Variants in ZNF292 observed in about 807,000 individuals in gnomAD.
The protein encoded by ZNF292 is 16 zinc-finger domain protein.
In ZNF292, 26 loss-of-function variants were observed where a neutral mutation model predicts 217.9. The observed-to-expected ratio is 0.12, with a 90% confidence interval of 0.09 to 0.17. The LOEUF is 0.17. ZNF292 is among the 10% of genes least tolerant of loss of function. The pLI, the probability that ZNF292 is intolerant of heterozygous loss-of-function variation, is 1.00. For synonymous variants in ZNF292, 1,257 were observed against 1,124.1 expected, an observed-to-expected ratio of 1.12 and a Z score of -2.37; for missense variants, 2,904 against 3,175.2, an observed-to-expected ratio of 0.91 and a Z score of 2.05.
intron 1 of ZNF292, among the ~76,000 whole-genome samples, chr6:87,198,266 G>A (rs938570061): frequency 6.6e-6 from 1 of 151,832 alleles, no homozygotes; most frequent in African/African-American, 2.4e-5. Context: ...GTGCAGTGGC[G>A]TGACCTCAGC....
At chr6:87,177,008 C>T (rs992365931) in intron 1 of ZNF292, among the ~76,000 whole-genome samples, 1 of 151,964 alleles carries the variant, frequency 6.6e-6, no homozygotes, top group Admixed American at 6.6e-5. Context: ...CGGCCCCCCA[C>T]TCCTCCCCAC....
At chr6:87,223,021 G>T in intron 4 of ZNF292, 1 of 244,616 alleles carries the variant, frequency 4.1e-6, no homozygotes, top group South Asian at 4.7e-5. Context: ...TATATAAAGG[G>T]TATCTGTTGT....
chr6:87,249,964 C>G (rs1354028692), intron 7 of ZNF292, among the ~76,000 whole-genome samples: 1 of 150,982 alleles, frequency 6.6e-6, no homozygotes, highest in Non-Finnish European at 1.5e-5. Context: ...CCCACCTCAG[C>G]CTCCCAAAGT....
intron 1 of ZNF292, among the ~76,000 whole-genome samples, chr6:87,193,324 C>G (rs1000308177): frequency 2.0e-5 from 3 of 152,052 alleles, no homozygotes; most frequent in Non-Finnish European, 2.9e-5. Context: ...GCAGACAGAT[C>G]GCTTGAGCTC....
chr6:87,258,733 G>C lies in ZNF292; in HGVS notation c.5104G>C (p.Val1702Leu). 6.2e-7 allele frequency: 1 copy of C among 1,613,404 alleles called. No homozygotes were observed. Among genetic ancestry groups the C allele is most frequent in the Non-Finnish European group, 8.5e-7 (1 of 1,179,656 alleles). Residue 1702 changes from valine to leucine, a missense_variant, in exon 8 of 8, where the codon GTA becomes CTA. Physicochemically the swap from Val to Leu is conservative, Grantham distance 32. Coordinates refer to ENST00000369577, the MANE Select transcript of ZNF292 (RefSeq NM_015021.3). The part of the protein sequence containing the change: ...NVNNQLFMTD[V>L]KENFKTSLES... Reference sequence around the variant, plus strand: ...TAACAATCAGTTATTTATGACTGATGTAAAAGAGAATTTCAAAACCAGTCT... The same window carrying C: ...TAACAATCAGTTATTTATGACTGATCTAAAAGAGAATTTCAAAACCAGTCT...
In ZNF292 at chr6:87,257,619, C is replaced by A; in HGVS notation, c.3990C>A (p.Phe1330Leu). The change falls in exon 8 of 8, where the codon TTC (phenylalanine) becomes TTA (leucine). Residue 1330 changes from phenylalanine to leucine, a missense_variant. Around this residue, in one of 15 missense-constraint regions of ZNF292, gnomAD observed 687 missense variants for 623.0 expected, o/e 1.10. Coordinates refer to ENST00000369577, the MANE Select transcript of ZNF292 (RefSeq NM_015021.3). ...FPSQVNVANN[F>L]SSTNAQQSAP... is the part of the protein sequence containing the mutation. Reference sequence around the variant, plus strand: ...CACAAGTGAATGTTGCAAATAACTTCAGTAGCACCAATGCCCAACAGTCTG... The same window carrying A: ...CACAAGTGAATGTTGCAAATAACTTAAGTAGCACCAATGCCCAACAGTCTG... 4 of 1,607,774 alleles carry A rather than the reference C, an allele frequency of 2.5e-6. No individual in the cohort carries two copies. The highest frequency in any genetic ancestry group is 3.4e-6 in the Non-Finnish European group (4 of 1,176,762).
chr6:87,228,292 G>A (rs1010408185), intron 4 of ZNF292, among the ~76,000 whole-genome samples: 2 of 151,992 alleles, frequency 1.3e-5, no homozygotes, highest in African/African-American at 4.8e-5. Context: ...TGTTGTTGTT[G>A]AGTTAAAGGA....
intron 5 of ZNF292, among the ~76,000 whole-genome samples, chr6:87,233,938 A>G (rs1773775487): frequency 6.6e-6 from 1 of 152,216 alleles, no homozygotes; most frequent in Non-Finnish European, 1.5e-5. Flanking sequence ...ACTTTGTCAT[A>G]TAAATTCTAT....
rs1255962605 is a variant in ZNF292 at position 87,233,522 on chromosome 6, G to A, written c.736G>A (p.Glu246Lys). Residue 246 changes from glutamate to lysine, a missense_variant, in exon 5 of 8, where the codon GAA (glutamate) becomes AAA (lysine). Physicochemically the swap from Glu to Lys is moderately conservative, Grantham distance 56. This residue lies in a region of ZNF292 where 313 missense variants were observed against 451.0 expected (regional missense o/e 0.69). Coordinates refer to ENST00000369577, the MANE Select transcript of ZNF292 (RefSeq NM_015021.3). ...CTSSPNGKLIEEISEVDCKDA... is the reference protein window; with the variant it reads ...CTSSPNGKLIKEISEVDCKDA... The stretch of plus-strand genomic sequence containing the variant: ...ATCATCACCAAATGGAAAGTTAATC[G>A]AAGAGGTGAGTATGTTTTCTTTCAT... 6 of 1,608,476 alleles carry A rather than the reference G, an allele frequency of 3.7e-6. No individual in the cohort carries two copies. Among genetic ancestry groups the A allele is most frequent in the South Asian group, 3.3e-5 (3 of 89,738 alleles).
rs145834927 is a variant in ZNF292, at chr6:87,177,537, G to A, written c.168+21778G>A. Among the ~76,000 whole-genome samples, 26 of 152,190 alleles carry A rather than the reference G, an allele frequency of 1.7e-4. No homozygotes were observed. In the East Asian group the frequency reaches 4.8e-3, roughly 28 times the overall value. On this transcript the variant is annotated intron_variant, in intron 1 of 7. Transcript: ENST00000369577. ...TGTTTTTTCATGAAGTTACTTTTCT[G>A]TCCTCCATTCACTTCTTTTTAAATC... is the stretch of plus-strand genomic sequence containing the variant.
rs1775362079 is a variant in ZNF292, at chr6:87,258,434, A to G, written c.4805A>G (p.Asn1602Ser). The change falls in exon 8 of 8, where the codon AAC (asparagine) becomes AGC (serine). Residue 1602 changes from asparagine (N) to serine (S), a missense_variant. Transcript: ENST00000369577. ...GGGCCATCACAAAATTTTACCAGTAACAGTTCTCGTGTTTCTGTTATAAGT... is the reference window on the plus strand; with the variant it reads ...GGGCCATCACAAAATTTTACCAGTAGCAGTTCTCGTGTTTCTGTTATAAGT... ...SGGPSQNFTS[N>S]SSRVSVISGP... 2 of 1,613,466 alleles carry G rather than the reference A, an allele frequency of 1.2e-6. No individual in the cohort carries two copies. Among genetic ancestry groups the G allele is most frequent in the Admixed American group, 1.7e-5 (1 of 59,880 alleles).
At chr6:87,226,518 A>G (rs1490013195) in intron 4 of ZNF292, among the ~76,000 whole-genome samples, 3 of 151,176 alleles carry the variant, frequency 2.0e-5, no homozygotes, top group Admixed American at 1.3e-4. Context: ...ATAATTAAAT[A>G]TAAGTATTTA....
intron 7 of ZNF292, among the ~76,000 whole-genome samples, chr6:87,249,804 G>A (rs1434433234): frequency 6.6e-6 from 1 of 151,910 alleles, no homozygotes; most frequent in Non-Finnish European, 1.5e-5. Context: ...CCATCTCTTA[G>A]GTACAAGCGA....
At chr6:87,177,588 A>G (rs981382638) in intron 1 of ZNF292, among the ~76,000 whole-genome samples, 5 of 152,182 alleles carry the variant, frequency 3.3e-5, no homozygotes, top group Non-Finnish European at 5.9e-5. Context: ...CACTAAGATT[A>G]TTAGTTATCC....
intron 5 of ZNF292, among the ~76,000 whole-genome samples, chr6:87,239,906 G>A (rs1202934560): frequency 1.3e-5 from 2 of 151,206 alleles, no homozygotes; most frequent in African/African-American, 4.9e-5. Flanking sequence ...CATCCCAGAC[G>A]ATGGGTGGCC....
intron 1 of ZNF292, among the ~76,000 whole-genome samples, chr6:87,164,537 C>T (rs1364215146): frequency 7.9e-5 from 12 of 152,138 alleles, no homozygotes; most frequent in Non-Finnish European, 1.8e-4. Flanking sequence ...TCCCTTTATT[C>T]CCTACTGTAG....
At chr6:87,204,468 G>A (rs1456642190) in intron 1 of ZNF292, among the ~76,000 whole-genome samples, 1 of 149,670 alleles carries the variant, frequency 6.7e-6, no homozygotes, top group Non-Finnish European at 1.5e-5. Flanking sequence ...GTACTGTATC[G>A]CCAACTTTTC....
intron 1 of ZNF292, among the ~76,000 whole-genome samples, chr6:87,191,727 T>C (rs7763365): frequency 0.63 from 95,250 of 152,030 alleles, 31,322 homozygotes; most frequent in African/African-American, 0.83. Context: ...AGTGCAGTGG[T>C]GCAAGCTCGA....
At chr6:87,235,934 TA>T (rs1773884342) in intron 5 of ZNF292, among the ~76,000 whole-genome samples, 1 of 152,252 alleles carries the variant, frequency 6.6e-6, no homozygotes, top group African/African-American at 2.4e-5. Context: ...ATTACTTTGT[TA>T]AAAGTCCCTT....
Sources: allele counts gnomAD v4.1 joint callset (sites outside exome capture counted in the v4.1 genomes callset), GRCh38; gene constraint gnomAD v4.1.1; regional missense constraint gnomAD v4.1.1; transcripts MANE v1.5; gene names NCBI Gene and HGNC (gene_info 2026-07-23, HGNC 2026-07-21).